The following KCNK2 variants were observed in gnomAD, a reference collection of about 807,000 sequenced individuals.
KCNK2 encodes potassium channel subfamily K member 2.
KCNK2 carries 21 observed loss-of-function variants against 40.5 expected under a neutral mutation model. That is an observed-to-expected ratio of 0.52 (90% confidence interval 0.37 to 0.75). KCNK2 has a LOEUF of 0.75. KCNK2 is among the 30% of genes least tolerant of loss of function. The pLI, the probability that KCNK2 is intolerant of heterozygous loss-of-function variation, is 0.00. For missense variants in KCNK2, 399 were observed against 531.6 expected, an observed-to-expected ratio of 0.75 and a Z score of 2.45; for synonymous variants, 191 against 202.2, an observed-to-expected ratio of 0.94 and a Z score of 0.47.
At chr1:215,058,000 C>A (rs572250194) in intron 1 of KCNK2, among the ~76,000 whole-genome samples, 1 of 151,846 alleles carries the variant, frequency 6.6e-6, no homozygotes, top group African/African-American at 2.4e-5. Flanking sequence ...TGATGAAGGG[C>A]AAAAGTGAGA....
intron 3 of KCNK2, among the ~76,000 whole-genome samples, chr1:215,164,204 C>T (rs975630344): frequency 3.9e-5 from 6 of 152,172 alleles, no homozygotes; most frequent in Non-Finnish European, 8.8e-5. Flanking sequence ...AGTGTATTTG[C>T]GTAGCGGTGT....
Position 215,083,202 on chromosome 1 carries a change from C to CT in KCNK2, c.-184_-183insT. ...TTCGTTTCTTCTCACGCTCCCCCCC[C>CT]CGCCCCCTCCCGCGTCCAGCCCCGC... On this transcript the variant is annotated 5_prime_UTR_variant, in exon 1 of 7. Transcript: ENST00000444842. 1.5e-5 allele frequency: 12 copies of CT among 786,680 alleles called. No individual in the cohort carries two copies. Among genetic ancestry groups the CT allele is most frequent in the Middle Eastern group, 4.6e-4 (1 of 2,176 alleles). 48.7% of individuals were successfully genotyped at this position (786,680 alleles called of 1,614,324 possible).
intron 1 of KCNK2, among the ~76,000 whole-genome samples, chr1:215,029,207 C>T (rs1248267513): frequency 6.6e-6 from 1 of 151,930 alleles, no homozygotes; most frequent in African/African-American, 2.4e-5. Flanking sequence ...TGAACAAAAT[C>T]CACCAGCATA....
chr1:215,112,319 T>A (rs560401864), intron 2 of KCNK2, among the ~76,000 whole-genome samples: 9 of 151,984 alleles, frequency 5.9e-5, no homozygotes, highest in African/African-American at 1.7e-4. Context: ...GTCTTAGTTT[T>A]TTTTTTTTAA....
At chr1:215,068,905 T>A (rs898897533) in intron 1 of KCNK2, among the ~76,000 whole-genome samples, 1 of 152,224 alleles carries the variant, frequency 6.6e-6, no homozygotes, top group African/African-American at 2.4e-5. Flanking sequence ...ACAAAAGTTT[T>A]ACTTTAACTG....
At chr1:215,164,329 G>A (rs1381976649) in intron 3 of KCNK2, among the ~76,000 whole-genome samples, 1 of 151,876 alleles carries the variant, frequency 6.6e-6, no homozygotes, top group Non-Finnish European at 1.5e-5. Context: ...TATTAGTCTA[G>A]CTAGTGGTCT....
At position 215,161,260 on chromosome 1, in the gene KCNK2, A is replaced by G. The variant is rs539910700; in HGVS notation, c.476-7939A>G. Among the ~76,000 whole-genome samples, 21 of 152,138 alleles carry G rather than the reference A, an allele frequency of 1.4e-4. No individual in the cohort carries two copies. The South Asian group carries it at 3.5e-3, about 26-fold the overall frequency. On this transcript the variant is annotated intron_variant, in intron 3 of 6. Transcript: ENST00000444842. ...TGCAACTCTCACACACTCTTTTCTA[A>G]CCATCTGAAATTCTTTCAGTTTCTC...
intron 6 of KCNK2, among the ~76,000 whole-genome samples, chr1:215,234,546 C>T (rs961962476): frequency 8.3e-6 from 1 of 120,306 alleles, no homozygotes; most frequent in Non-Finnish European, 1.9e-5. Context: ...ATTTCAATGA[C>T]AGGATTCATG....
At chr1:215,056,615 CTT>C (rs34925678) in intron 1 of KCNK2, among the ~76,000 whole-genome samples, 1 of 103,980 alleles carries the variant, frequency 9.6e-6, no homozygotes, top group African/African-American at 3.8e-5. Context: ...TGTGTCCACT[CTT>C]TTTTTTTTTT....
rs930959295 is a variant in KCNK2 at position 215,093,965 on chromosome 1, AAT to A, written c.357+7298_357+7299del. The stretch of plus-strand genomic sequence containing the variant: ...AATATATATAATATATAAAATATAT[AAT>A]ATATATATATTGTATATGGTTGGTG... On this transcript the variant is annotated intron_variant, in intron 2 of 6. Coordinates refer to ENST00000444842, the MANE Select transcript of KCNK2 (RefSeq NM_001017425.3). 5.4e-5 allele frequency among the ~76,000 whole-genome samples: 7 copies of A among 129,748 alleles called. No homozygotes were observed. In the South Asian group the frequency reaches 1.1e-3, roughly 20 times the overall value. 85.1% of individuals were successfully genotyped at this position (129,748 alleles called of 152,430 possible). A position where few individuals can be genotyped will look rare whatever the true frequency, so the allele number is the denominator to read the frequency against.
At chr1:215,129,405 A>G (rs989316951) in intron 3 of KCNK2, among the ~76,000 whole-genome samples, 8 of 152,200 alleles carry the variant, frequency 5.3e-5, no homozygotes, top group Middle Eastern at 3.2e-3. Context: ...CAATCAGTAC[A>G]TTAAAAACAA....
intron 2 of KCNK2, among the ~76,000 whole-genome samples, chr1:215,095,070 T>A (rs1659919954): frequency 6.6e-6 from 1 of 152,020 alleles, no homozygotes; most frequent in Admixed American, 6.6e-5. Context: ...TAATAATAGC[T>A]CTAAAATTCT....
chr1:215,219,780 G>A (rs569279642), intron 6 of KCNK2, among the ~76,000 whole-genome samples: 8 of 152,190 alleles, frequency 5.3e-5, no homozygotes, highest in South Asian at 4.2e-4. Context: ...GGTTTCTGCC[G>A]TAATCCAATG....
intron 6 of KCNK2, among the ~76,000 whole-genome samples, chr1:215,222,070 C>A (rs1666201137): frequency 1.3e-5 from 2 of 152,062 alleles, no homozygotes; most frequent in African/African-American, 4.8e-5. Flanking sequence ...GTGACATACA[C>A]TTTTAAATGA....
intron 6 of KCNK2, among the ~76,000 whole-genome samples, chr1:215,213,196 C>G (rs1665813140): frequency 6.6e-6 from 1 of 152,188 alleles, no homozygotes; most frequent in Non-Finnish European, 1.5e-5. Flanking sequence ...TACTCACACA[C>G]TTCCTGCAGT....
At chr1:215,214,397 C>T (rs998696736) in intron 6 of KCNK2, among the ~76,000 whole-genome samples, 1 of 152,166 alleles carries the variant, frequency 6.6e-6, no homozygotes, top group African/African-American at 2.4e-5. Flanking sequence ...CACCAGGTCC[C>T]ACCACCAACA....
At chr1:215,214,619 A>G (rs2102692626) in intron 6 of KCNK2, among the ~76,000 whole-genome samples, 1 of 152,212 alleles carries the variant, frequency 6.6e-6, no homozygotes, top group South Asian at 2.1e-4. Flanking sequence ...TGAGCCTAGG[A>G]GTTCAGGACC....
At chr1:215,049,370 A>C (rs1053064581) in intron 1 of KCNK2, among the ~76,000 whole-genome samples, 3 of 151,932 alleles carry the variant, frequency 2.0e-5, no homozygotes, top group African/African-American at 7.3e-5. Context: ...GTTTTGAGAG[A>C]TCTTTATATA....
At chr1:215,161,959 G>A (rs1193923421) in intron 3 of KCNK2, among the ~76,000 whole-genome samples, 1 of 152,122 alleles carries the variant, frequency 6.6e-6, no homozygotes, top group Non-Finnish European at 1.5e-5. Context: ...GGATTGCTGG[G>A]TCAAATGGTA....
Sources: allele counts gnomAD v4.1 joint callset (sites outside exome capture counted in the v4.1 genomes callset), GRCh38; gene constraint gnomAD v4.1.1; transcripts MANE v1.5; gene names NCBI Gene and HGNC (gene_info 2026-07-23, HGNC 2026-07-21).